The following OTOGL variants were observed in gnomAD, a reference collection of about 807,000 sequenced individuals.
OTOGL encodes otogelin-like protein.
OTOGL carries 285 observed loss-of-function variants against 318.5 expected under a neutral mutation model. The ratio of observed to expected loss-of-function variants is 0.89; its 90% CI spans 0.81 to 0.99. OTOGL has a LOEUF of 0.99. Among genes scored for constraint, OTOGL ranks in the 50% least tolerant of loss-of-function variants. OTOGL has a pLI of 0.00. For missense variants in OTOGL, 2,899 were observed against 2,845.6 expected, an observed-to-expected ratio of 1.02 and a Z score of -0.43; for synonymous variants, 987 against 936.5, an observed-to-expected ratio of 1.05 and a Z score of -0.99.
chr12:80,264,958 G>C (rs1270038631), intron 19 of OTOGL, 43 bp from the exon 20 acceptor site: 11 of 1,579,600 alleles, frequency 7.0e-6, no homozygotes, highest in African/African-American at 2.7e-5. Flanking sequence ...TCTGGGGTAA[G>C]ATCTGAACTG....
At chr12:80,109,979 G>A (rs1354925139) in intron 1 of OTOGL, among the ~76,000 whole-genome samples, 7 of 151,736 alleles carry the variant, frequency 4.6e-5, no homozygotes, top group Non-Finnish European at 1.0e-4. Flanking sequence ...TGCAGAACAT[G>A]CAGGTTTGTT....
chr12:80,119,780 G>A (rs1479324567), intron 1 of OTOGL, among the ~76,000 whole-genome samples: 5 of 152,008 alleles, frequency 3.3e-5, no homozygotes. Context: ...GTACATGGTA[G>A]GTATTCATTA....
chr12:80,336,223 C>T, intron 39 of OTOGL, 83 bp downstream of exon 39: 1 of 1,387,734 alleles, frequency 7.2e-7, no homozygotes, highest in Non-Finnish European at 9.4e-7. Context: ...CCTTTCACCT[C>T]ATCAAGCCAA....
At chr12:80,356,287 A>G (rs1179424869) in intron 47 of OTOGL, 129 bp from the exon 48 acceptor site, 5 of 700,530 alleles carry the variant, frequency 7.1e-6, no homozygotes, top group Non-Finnish European at 1.2e-5. Context: ...TGCAGTGTAA[A>G]AACATGCATA....
At chr12:80,213,103 C>A (rs1171956966) in intron 4 of OTOGL, among the ~76,000 whole-genome samples, 1 of 152,170 alleles carries the variant, frequency 6.6e-6, no homozygotes, top group Non-Finnish European at 1.5e-5. Flanking sequence ...ACTGAGTATA[C>A]TTGTAGTTAT....
Position 80,251,702 on chromosome 12 carries a change from T to G in OTOGL, c.1062T>G (p.Asp354Glu). The G allele has an allele frequency of 6.3e-7, 1 of 1,586,348 alleles. No individual in the cohort carries two copies. Among genetic ancestry groups the G allele is most frequent in the Non-Finnish European group, 8.6e-7 (1 of 1,164,924 alleles). The change falls in exon 12 of 59, where the codon GAT (aspartate) becomes GAG (glutamate). Residue 354 changes from aspartate (D) to glutamate (E), a missense_variant. Coordinates refer to ENST00000547103, the MANE Select transcript of OTOGL (RefSeq NM_001378609.3). ...TCTTTTCACTTTCTAGAACTGATGA[T>G]GATGAAACCTATTGCCGAGCAGCCA... ...SCVNDLCKTD[D>E]DETYCRAATE...
rs1409388789 is a variant in OTOGL at position 80,320,509 on chromosome 12, G to A, written c.3890G>A (p.Trp1297Ter). 3 of 1,613,612 alleles carry A rather than the reference G, an allele frequency of 1.9e-6. No homozygotes were observed. Among genetic ancestry groups the A allele is most frequent in the Non-Finnish European group, 2.5e-6 (3 of 1,179,722 alleles). Residue 1297 changes from tryptophan to a stop codon, truncating the protein, a stop_gained, in exon 34 of 59, where the codon TGG (tryptophan) becomes TAG (stop). Transcript: ENST00000547103. LOFTEE classifies it high-confidence loss of function. ...AATGATACTCTTAGCTTGGAGCTGTGGGAGGCGAATTCAGCCTTTCATCGG... is the reference window on the plus strand; with the variant it reads ...AATGATACTCTTAGCTTGGAGCTGTAGGAGGCGAATTCAGCCTTTCATCGG... ...HDNDTLSLEL[W>*]EANSAFHRRA...
intron 1 of OTOGL, among the ~76,000 whole-genome samples, chr12:80,184,323 C>T (rs1434223438): frequency 1.3e-5 from 2 of 152,168 alleles, no homozygotes; most frequent in Non-Finnish European, 2.9e-5. Context: ...AGTGTTAACA[C>T]ATCACTTTAA....
At chr12:80,175,573 T>C (rs1874474288) in intron 1 of OTOGL, among the ~76,000 whole-genome samples, 2 of 152,332 alleles carry the variant, frequency 1.3e-5, no homozygotes, top group South Asian at 4.1e-4. Context: ...ATGTGTGTTC[T>C]TTTATCTAGG....
At chr12:80,296,421 T>C (rs560657731) in intron 26 of OTOGL, among the ~76,000 whole-genome samples, 3 of 152,296 alleles carry the variant, frequency 2.0e-5, no homozygotes, top group Admixed American at 6.5e-5. Flanking sequence ...TTCTAACTTA[T>C]AGACAAATAA....
chr12:80,260,163 G>A (rs1882410928), intron 18 of OTOGL, among the ~76,000 whole-genome samples: 1 of 152,082 alleles, frequency 6.6e-6, no homozygotes, highest in Admixed American at 6.6e-5. Flanking sequence ...CAGGAAGATA[G>A]TTTGAATGGG....
chr12:80,178,778 A>G (rs1285864990), intron 1 of OTOGL, among the ~76,000 whole-genome samples: 1 of 152,244 alleles, frequency 6.6e-6, no homozygotes. Flanking sequence ...CCTAACTACC[A>G]GAGCCAGAAG....
chr12:80,176,510 G>A (rs1487271979), intron 1 of OTOGL, among the ~76,000 whole-genome samples: 1 of 152,026 alleles, frequency 6.6e-6, no homozygotes, highest in Non-Finnish European at 1.5e-5. Context: ...TATACAGTGT[G>A]TTCTCTTTTT....
chr12:80,338,321 A>C (rs892118308), intron 42 of OTOGL, among the ~76,000 whole-genome samples: 1 of 152,050 alleles, frequency 6.6e-6, no homozygotes, highest in African/African-American at 2.4e-5. Flanking sequence ...TTAAAGAATA[A>C]GTAGAAAGAA....
At chr12:80,256,023 T>C (rs915377709) in intron 16 of OTOGL, among the ~76,000 whole-genome samples, 1 of 151,988 alleles carries the variant, frequency 6.6e-6, no homozygotes, top group Non-Finnish European at 1.5e-5. Context: ...TAACTATTGG[T>C]ACTTTACTGA....
rs773195275 is a variant in OTOGL at position 80,336,000 on chromosome 12, A to G, written c.4460A>G (p.Tyr1487Cys). ...GATCCTGTTTATGATTGTAGCCAAT[A>G]CATATGCCTTAATATGGAATGGCAG... is the stretch of plus-strand genomic sequence containing the variant. ...KFDPVYDCSQ[Y>C]ICLNMEWQLY... The change falls in exon 39 of 59, where the codon TAC becomes TGC. Residue 1487 changes from tyrosine (Y) to cysteine (C), a missense_variant. By Grantham distance (194) the Tyr-to-Cys change is radical. Transcript: ENST00000547103. 1.3e-6 allele frequency: 2 copies of G among 1,597,484 alleles called. No homozygotes were observed. Among genetic ancestry groups the G allele is most frequent in the South Asian group, 2.2e-5 (2 of 90,644 alleles).
intron 43 of OTOGL, 58 bp downstream of exon 43, chr12:80,339,322 T>TTTC: frequency 7.6e-7 from 1 of 1,316,090 alleles, no homozygotes; most frequent in Non-Finnish European, 1.0e-6. Context: ...TTTTTTTTTT[T>TTTC]TCTATTCACG....
intron 1 of OTOGL, among the ~76,000 whole-genome samples, chr12:80,100,861 T>TC (rs552483715): frequency 9.8e-5 from 15 of 152,304 alleles, no homozygotes; most frequent in Admixed American, 9.2e-4. Flanking sequence ...ACTTTTTTTT[T>TC]CCCATGTGTT....
intron 1 of OTOGL, among the ~76,000 whole-genome samples, chr12:80,152,077 T>C (rs1250258283): frequency 6.6e-6 from 1 of 152,138 alleles, no homozygotes; most frequent in Non-Finnish European, 1.5e-5. Context: ...GTACATTCCA[T>C]CTTAGAGTCA....
Sources: gnomAD v4.1 joint callset for allele counts (sites outside exome capture counted in the v4.1 genomes callset) on GRCh38, gnomAD v4.1.1 for gene constraint, MANE v1.5 for transcripts, NCBI Gene and HGNC (gene_info 2026-07-23, HGNC 2026-07-21) for gene names.